Variants in LRRC61 observed in about 807,000 individuals in gnomAD.
LRRC61 encodes leucine-rich repeat-containing protein 61.
A neutral mutation model predicts 15.1 loss-of-function variants in LRRC61; 9 were observed. That is an observed-to-expected ratio of 0.60 (90% CI 0.36 to 1.04). The LOEUF is 1.04. LRRC61 is among the 50% of genes least tolerant of loss of function. The pLI, the probability that LRRC61 is intolerant of heterozygous loss-of-function variation, is 0.01. For synonymous variants in LRRC61, 173 were observed against 158.6 expected (o/e 1.09, Z -0.68); for missense variants, 344 against 335.6 (o/e 1.03, Z -0.20).
chr7:150,323,239 CG>C, upstream of LRRC61: 2 of 240,702 alleles, frequency 8.3e-6, no homozygotes, highest in South Asian at 4.0e-5. Context: ...AACTGCGAGG[CG>C]GGGGGTGCGC....
intron 2 of LRRC61, chr7:150,331,184 T>C (rs899098938): frequency 7.5e-6 from 11 of 1,468,512 alleles, no homozygotes; most frequent in Admixed American, 4.5e-5. Flanking sequence ...GTGGAAGCCA[T>C]TGAGCATCTC....
Position 150,330,771 on chromosome 7 carries a change from C to G in LRRC61, c.-145+4761C>G. On this transcript the variant is annotated intron_variant, in intron 2 of 2. Transcript: ENST00000359623. The surrounding 1 kb of genome is among the most constrained non-coding windows in gnomAD (Gnocchi z 4.6). ...ATACTCTTTGAACTCCCCAAGTCCC[C>G]TGCAAAGCCCCAGGGGTCTGTGCGT... The G allele has an allele frequency of 6.2e-7, 1 of 1,613,878 alleles. No homozygotes were observed.
Position 150,331,050 on chromosome 7 carries a change from T to C in LRRC61, c.-145+5040T>C, listed in dbSNP as rs116285177. ...AGCCCAGGATGACCCCCTGGCTTAC[T>C]GGGAGAAGAAGCGAGAAGCCTGGCC... On this transcript the variant is annotated intron_variant, in intron 2 of 2. Coordinates refer to ENST00000359623, the MANE Select transcript of LRRC61 (RefSeq NM_001142928.2). The C allele has an allele frequency of 1.8e-3, 2,824 of 1,612,340 alleles. 42 individuals carry two copies. In the African/African-American group the frequency reaches 0.033, roughly 19 times the overall value.
rs144849216 is a variant in LRRC61 at position 150,327,322 on chromosome 7, G to A, written c.-145+1312G>A. ...AGCCATCCAATAGATGCACCCCAGA[G>A]ATGGAGTAACCAAAGCCCAAGGGGC... is the stretch of plus-strand genomic sequence containing the variant. On this transcript the variant is annotated intron_variant, in intron 2 of 2. Coordinates refer to ENST00000359623, the MANE Select transcript of LRRC61 (RefSeq NM_001142928.2). Among the ~76,000 whole-genome samples, 734 of 152,300 alleles carry A rather than the reference G, an allele frequency of 4.8e-3. 5 individuals are homozygous for A. The highest frequency in any genetic ancestry group is 0.017 in the South Asian group (81 of 4,832).
chr7:150,332,984 T>C (rs1242761224), intron 2 of LRRC61, among the ~76,000 whole-genome samples: 1 of 152,154 alleles, frequency 6.6e-6, no homozygotes, highest in Non-Finnish European at 1.5e-5. Flanking sequence ...GCGGGGAGGA[T>C]CCGAGAATGT....
At chr7:150,327,442 A>G (rs1211614407) in intron 2 of LRRC61, among the ~76,000 whole-genome samples, 1 of 151,822 alleles carries the variant, frequency 6.6e-6, no homozygotes, top group African/African-American at 2.4e-5. Context: ...AAGATTTCAC[A>G]TAAAGCTTTG....
At chr7:150,321,286 T>C (rs980731144), upstream of LRRC61, among the ~76,000 whole-genome samples, 17 of 152,256 alleles carry the variant, frequency 1.1e-4, no homozygotes, top group African/African-American at 3.9e-4. Flanking sequence ...TTGCAGCTGT[T>C]CTTGAATAAA....
rs1798303877 is a variant in LRRC61, at chr7:150,336,712, C to T, written c.-144-6C>T. Reference sequence around the variant, plus strand: ...TGCTGCCTGCTGACTGACTGTCTCTCCTCAGGGACTGGCTGGCTTCGAGCA... The same window carrying T: ...TGCTGCCTGCTGACTGACTGTCTCTTCTCAGGGACTGGCTGGCTTCGAGCA... On this transcript the variant is annotated splice_region_variant and splice_polypyrimidine_tract_variant and intron_variant, in intron 2 of 2. Coordinates refer to ENST00000359623, the MANE Select transcript of LRRC61 (RefSeq NM_001142928.2). 9 of 1,020,350 alleles carry T rather than the reference C, an allele frequency of 8.8e-6. No individual in the cohort carries two copies. Among genetic ancestry groups the T allele is most frequent in the Non-Finnish European group, 1.3e-5 (9 of 702,500 alleles). The allele number at this position is 1,020,350 out of a possible 1,614,324, so 63.2% of individuals were successfully genotyped here.
In LRRC61 at chr7:150,333,026, C is replaced by A. The variant is rs567764048; in HGVS notation, c.-144-3692C>A. On this transcript the variant is annotated intron_variant, in intron 2 of 2. Coordinates refer to ENST00000359623, the MANE Select transcript of LRRC61 (RefSeq NM_001142928.2). This position sits in a 1 kb window ranked among gnomAD's most constrained non-coding sequence, Gnocchi z 4.3. ...TCCTCAGGTTGCCTTGGGCAGCGTG[C>A]GTGACTGTGCTTCCATCCTTGAGCA... Among the ~76,000 whole-genome samples, 45 of 152,278 alleles carry A rather than the reference C, an allele frequency of 3.0e-4. No homozygotes were observed. The highest frequency in any genetic ancestry group is 6.8e-3 in the Middle Eastern group (2 of 294).
upstream of LRRC61, among the ~76,000 whole-genome samples, chr7:150,320,439 T>C (rs1027880406): frequency 1.3e-5 from 2 of 152,226 alleles, no homozygotes; most frequent in Non-Finnish European, 2.9e-5. Flanking sequence ...GACTATTATC[T>C]TTAGAGCAAA....
the LRRC61 span, among the ~76,000 whole-genome samples, chr7:150,317,197 G>A: frequency 2.6e-5 from 4 of 151,892 alleles, no homozygotes; most frequent in African/African-American, 7.3e-5. Context: ...GATTACAGGC[G>A]TGCAGCATGC....
chr7:150,334,992 T>G (rs1798242350), intron 2 of LRRC61, among the ~76,000 whole-genome samples: 1 of 149,262 alleles, frequency 6.7e-6, no homozygotes, highest in Non-Finnish European at 1.5e-5. Context: ...ATTGTGCCAT[T>G]GCACTCCAGC....
Position 150,330,318 on chromosome 7 carries a change from C to G in LRRC61, c.-145+4308C>G. 1.4e-6 allele frequency: 1 copy of G among 721,502 alleles called. No individual in the cohort carries two copies. The allele number at this position is 721,502 out of a possible 1,614,324, so 44.7% of individuals were successfully genotyped here. A position where few individuals can be genotyped will look rare whatever the true frequency, so the allele number is the denominator to read the frequency against. On this transcript the variant is annotated intron_variant, in intron 2 of 2. Transcript: ENST00000359623. This position sits in a 1 kb window ranked among gnomAD's most constrained non-coding sequence, Gnocchi z 4.6. ...GCCCCTTCAAGAGTACAAGGGCAGG[C>G]ACCAGCTGGGGAAGGCTGGTGTTGC...
chr7:150,314,442 T>C, the LRRC61 span, among the ~76,000 whole-genome samples: 2 of 152,036 alleles, frequency 1.3e-5, no homozygotes, highest in African/African-American at 4.8e-5. Flanking sequence ...AGGGTACTGA[T>C]TGGCTCAGAA....
At chr7:150,331,073 G>C (rs759543191) in intron 2 of LRRC61, 1 of 1,613,168 alleles carries the variant, frequency 6.2e-7, no homozygotes, top group East Asian at 2.2e-5. Context: ...GAGAAGCCTG[G>C]CCACCATCTA....
Position 150,330,248 on chromosome 7 carries a change from G to A in LRRC61, c.-145+4238G>A. On this transcript the variant is annotated intron_variant, in intron 2 of 2. Coordinates refer to ENST00000359623, the MANE Select transcript of LRRC61 (RefSeq NM_001142928.2). This position sits in a 1 kb window ranked among gnomAD's most constrained non-coding sequence, Gnocchi z 4.6. ...CCTTTGAGGAGCTCTTGGACCACTGGGTCTCGGCCTACCACCTGCTGGAGT... is the reference window on the plus strand; with the variant it reads ...CCTTTGAGGAGCTCTTGGACCACTGAGTCTCGGCCTACCACCTGCTGGAGT... 1.6e-6 allele frequency: 1 copy of A among 619,418 alleles called. No individual in the cohort carries two copies. The highest frequency in any genetic ancestry group is 2.9e-6 in the Non-Finnish European group (1 of 346,706). The allele number at this position is 619,418 out of a possible 1,614,324, so 38.4% of individuals were successfully genotyped here. A position where few individuals can be genotyped will look rare whatever the true frequency, so the allele number is the denominator to read the frequency against.
the LRRC61 span, among the ~76,000 whole-genome samples, chr7:150,311,121 G>T: frequency 6.6e-6 from 1 of 152,120 alleles, no homozygotes; most frequent in Non-Finnish European, 1.5e-5. Context: ...GCTCACTAAA[G>T]GTGATTTAAC....
At chr7:150,336,466 A>G (rs886306081) in intron 2 of LRRC61, among the ~76,000 whole-genome samples, 2 of 152,202 alleles carry the variant, frequency 1.3e-5, no homozygotes, top group Non-Finnish European at 2.9e-5. Context: ...AAGAACTGGT[A>G]ATATTGGGCC....
At position 150,327,798 on chromosome 7, in the gene LRRC61, C is replaced by T. The variant is rs943410084; in HGVS notation, c.-145+1788C>T. Among the ~76,000 whole-genome samples the T allele has an allele frequency of 5.0e-5, 7 of 140,508 alleles. No individual in the cohort carries two copies. The East Asian group carries it at 1.4e-3, about 29-fold the overall frequency. The allele number at this position is 140,508 out of a possible 152,430, so 92.2% of individuals were successfully genotyped here. The stretch of plus-strand genomic sequence containing the variant: ...TTGTACCACTCCACTACAGTCTGGG[C>T]GACAGAGCAAGACCTTGTCTCAAAA... On this transcript the variant is annotated intron_variant, in intron 2 of 2. Coordinates refer to ENST00000359623, the MANE Select transcript of LRRC61 (RefSeq NM_001142928.2).
Sources: gnomAD v4.1 joint callset for allele counts (sites outside exome capture counted in the v4.1 genomes callset) on GRCh38, gnomAD v4.1.1 for gene constraint, Gnocchi (gnomAD v3.1) non-coding constraint, MANE v1.5 for transcripts, NCBI Gene and HGNC (gene_info 2026-07-23, HGNC 2026-07-21) for gene names.